MSI2: variants seen among roughly 807,000 people sequenced by gnomAD.
MSI2 encodes the protein musashi RNA binding protein 2.
A neutral mutation model predicts 45.6 loss-of-function variants in MSI2; 17 were observed. The ratio of observed to expected loss-of-function variants is 0.37; its 90% CI spans 0.26 to 0.56. The LOEUF (loss-of-function observed/expected upper bound fraction) is 0.56, where lower values mean the gene tolerates loss of function less well. MSI2 is among the 20% of genes least tolerant of loss of function. MSI2 has a pLI of 0.77. For missense variants in MSI2, 293 were observed against 444.2 expected (o/e 0.66, Z 3.06); for synonymous variants, 156 against 158.2 (o/e 0.99, Z 0.11).
chr17:57,498,182 G>C (rs2143846574), intron 6 of MSI2, among the ~76,000 whole-genome samples: 1 of 152,288 alleles, frequency 6.6e-6, no homozygotes, highest in East Asian at 1.9e-4. Context: ...TTTAAAAGAA[G>C]AGTTGGTTTT....
chr17:57,614,826 G>C (rs1009320658), intron 8 of MSI2, among the ~76,000 whole-genome samples: 1 of 152,110 alleles, frequency 6.6e-6, no homozygotes, highest in African/African-American at 2.4e-5. Context: ...TTTATAGTTC[G>C]CATAGTTAAG....
At chr17:57,365,911 C>T (rs1365162836) in intron 5 of MSI2, among the ~76,000 whole-genome samples, 1 of 152,006 alleles carries the variant, frequency 6.6e-6, no homozygotes, top group East Asian at 1.9e-4. Context: ...TGAATCTTCC[C>T]AATGTTGACT....
At chr17:57,369,122 ATTG>A (rs2083384415) in intron 5 of MSI2, among the ~76,000 whole-genome samples, 1 of 152,112 alleles carries the variant, frequency 6.6e-6, no homozygotes, top group South Asian at 2.1e-4. Flanking sequence ...GGTTGGTAGC[ATTG>A]TTTACCTCTG....
At chr17:57,277,850 T>A (rs1048484155) in intron 5 of MSI2, 1 of 152,222 alleles carries the variant, frequency 6.6e-6, no homozygotes, top group Non-Finnish European at 1.5e-5. Flanking sequence ...AACAGCTCCA[T>A]AGTGATTTGA....
At chr17:57,414,123 G>A (rs896992474) in intron 6 of MSI2, among the ~76,000 whole-genome samples, 5 of 149,898 alleles carry the variant, frequency 3.3e-5, no homozygotes, top group Non-Finnish European at 7.4e-5. Flanking sequence ...AAAGAAACCA[G>A]GAGCTGAGAG....
At chr17:57,442,751 CTCTTCCTT>C (rs1197724271) in intron 6 of MSI2, among the ~76,000 whole-genome samples, 2 of 152,210 alleles carry the variant, frequency 1.3e-5, no homozygotes, top group African/African-American at 4.8e-5. Flanking sequence ...GGCCATCTTA[CTCTTCCTT>C]TCTTCCTGAC....
At chr17:57,599,527 C>T (rs937237145) in intron 8 of MSI2, among the ~76,000 whole-genome samples, 6 of 152,176 alleles carry the variant, frequency 3.9e-5, no homozygotes, top group Non-Finnish European at 8.8e-5. Flanking sequence ...CGCCTTCTCT[C>T]CCACCCAGGT....
At chr17:57,595,394 T>G (rs1282267957) in intron 7 of MSI2, among the ~76,000 whole-genome samples, 1 of 152,056 alleles carries the variant, frequency 6.6e-6, no homozygotes, top group East Asian at 1.9e-4. Flanking sequence ...GGTTCATACC[T>G]TTGGGGAGAA....
At chr17:57,584,566 T>C (rs1274718650) in intron 7 of MSI2, among the ~76,000 whole-genome samples, 3 of 152,062 alleles carry the variant, frequency 2.0e-5, no homozygotes, top group Non-Finnish European at 2.9e-5. Context: ...ATAAAAGTCA[T>C]ATAATTTGTG....
In MSI2 at chr17:57,511,405, AC is replaced by A. The variant is rs1269604313; in HGVS notation, c.406-18268del. Among the ~76,000 whole-genome samples the A allele has an allele frequency of 3.3e-5, 5 of 152,250 alleles. No homozygotes were observed. The East Asian group carries it at 9.7e-4, about 29-fold the overall frequency. On this transcript the variant is annotated intron_variant, in intron 6 of 13. Transcript: ENST00000284073. Reference sequence around the variant, plus strand: ...CCTTACCGCCACCCACCCCACACTTACCCAGAGACACAGAGAAGGTTCATTA... The same window carrying A: ...CCTTACCGCCACCCACCCCACACTTACCAGAGACACAGAGAAGGTTCATTA...
chr17:57,351,724 C>T (rs367877525), intron 5 of MSI2, among the ~76,000 whole-genome samples: 4 of 152,146 alleles, frequency 2.6e-5, no homozygotes, highest in Non-Finnish European at 5.9e-5. Context: ...GGTGTGGTGG[C>T]GCATGCCTGT....
chr17:57,453,839 A>G (rs531509097), intron 6 of MSI2, among the ~76,000 whole-genome samples: 30 of 152,332 alleles, frequency 2.0e-4, no homozygotes, highest in Admixed American at 9.1e-4. Context: ...CCCACTCTAC[A>G]GGTGAGGGAT....
chr17:57,679,329 G>T (rs1913459429), intron 13 of MSI2, among the ~76,000 whole-genome samples: 1 of 152,220 alleles, frequency 6.6e-6, no homozygotes, highest in Admixed American at 6.5e-5. Context: ...TCTCCCCAGT[G>T]TCAGGTATGG....
At chr17:57,379,458 G>A (rs2083559677) in intron 5 of MSI2, among the ~76,000 whole-genome samples, 1 of 150,650 alleles carries the variant, frequency 6.6e-6, no homozygotes, top group Non-Finnish European at 1.5e-5. Flanking sequence ...TGTGGCTGTG[G>A]TTGTTTTTTC....
In MSI2 at chr17:57,256,874, G is replaced by C. The variant is rs1351418897; in HGVS notation, c.62+70G>C. The C allele has an allele frequency of 2.4e-6, 3 of 1,270,200 alleles. No individual in the cohort carries two copies. In the East Asian group the frequency reaches 8.7e-5, roughly 37 times the overall value. 78.7% of individuals were successfully genotyped at this position (1,270,200 alleles called of 1,614,324 possible). A position where few individuals can be genotyped will look rare whatever the true frequency, so the allele number is the denominator to read the frequency against. On this transcript the variant is annotated intron_variant, in intron 1 of 13. Coordinates refer to ENST00000284073, the MANE Select transcript of MSI2 (RefSeq NM_138962.4). Reference sequence around the variant, plus strand: ...TCCTTGCAGCGGCGGGGACGGCGGTGCGCGGAGCCGGGCATCTCCCGCGCC... The same window carrying C: ...TCCTTGCAGCGGCGGGGACGGCGGTCCGCGGAGCCGGGCATCTCCCGCGCC...
chr17:57,638,087 T>A (rs906629110), intron 10 of MSI2, among the ~76,000 whole-genome samples: 17 of 152,196 alleles, frequency 1.1e-4, no homozygotes, highest in Admixed American at 3.9e-4. Context: ...TTACTCAGCA[T>A]GTGAAATTCT....
intron 5 of MSI2, among the ~76,000 whole-genome samples, chr17:57,286,868 G>A (rs926641695): frequency 2.0e-5 from 3 of 152,140 alleles, no homozygotes; most frequent in Non-Finnish European, 4.4e-5. Context: ...CAGTGTGGGA[G>A]GAGATGGCAG....
intron 7 of MSI2, among the ~76,000 whole-genome samples, chr17:57,557,342 G>A (rs758910935): frequency 4.6e-5 from 7 of 152,208 alleles, no homozygotes; most frequent in African/African-American, 7.2e-5. Flanking sequence ...AAAAGCACAG[G>A]AGTCACTCAG....
chr17:57,657,609 A>G lies in MSI2; in HGVS notation c.790+5448A>G, dbSNP rs367788409. Among the ~76,000 whole-genome samples, 49 of 152,358 alleles carry G rather than the reference A, an allele frequency of 3.2e-4. 2 individuals are homozygous for G. Among genetic ancestry groups the G allele is most frequent in the East Asian group, 1.7e-3 (9 of 5,192 alleles). On this transcript the variant is annotated intron_variant, in intron 11 of 13. Transcript: ENST00000284073. Reference sequence around the variant, plus strand: ...TGGAATAAATAGTTTAACTTGAACCAGAAGAGAAAATGCTTTAGGGAGGAG... The same window carrying G: ...TGGAATAAATAGTTTAACTTGAACCGGAAGAGAAAATGCTTTAGGGAGGAG...
Sources: allele counts gnomAD v4.1 joint callset (sites outside exome capture counted in the v4.1 genomes callset), GRCh38; gene constraint gnomAD v4.1.1; transcripts MANE v1.5; gene names NCBI Gene and HGNC (gene_info 2026-07-23, HGNC 2026-07-21).